Variants in PTPRD observed in about 807,000 individuals in gnomAD.
PTPRD encodes protein tyrosine phosphatase receptor type D.
PTPRD carries 34 observed loss-of-function variants against 214.5 expected under a neutral mutation model. The ratio of observed to expected loss-of-function variants is 0.16; its 90% CI spans 0.12 to 0.21. PTPRD has a LOEUF of 0.21. Ranked by LOEUF, PTPRD falls within the 10% of genes least tolerant of loss-of-function variation. The pLI is 1.00. For missense variants in PTPRD, 2,545 were observed against 2,398.7 expected, an observed-to-expected ratio of 1.06 and a Z score of -1.27; for synonymous variants, 1,128 against 845.7, an observed-to-expected ratio of 1.33 and a Z score of -5.79.
chr9:8,919,795 T>C (rs774818637), intron 11 of PTPRD, among the ~76,000 whole-genome samples: 18 of 143,252 alleles, frequency 1.3e-4, no homozygotes, highest in Non-Finnish European at 2.7e-4. Context: ...GCACAATACA[T>C]ACACATGCAA....
chr9:10,576,932 G>A (rs981910437), intron 2 of PTPRD, among the ~76,000 whole-genome samples: 16 of 151,360 alleles, frequency 1.1e-4, no homozygotes, highest in Admixed American at 3.3e-4. Context: ...ATGTGGCCAT[G>A]TCTCTAGTAC....
At chr9:8,922,308 T>C (rs1255130730) in intron 11 of PTPRD, among the ~76,000 whole-genome samples, 1 of 152,268 alleles carries the variant, frequency 6.6e-6, no homozygotes, top group East Asian at 1.9e-4. Context: ...AGAAGAGAGC[T>C]CACTAGGATA....
chr9:9,741,366 T>TC (rs938593190), intron 6 of PTPRD, among the ~76,000 whole-genome samples: 3 of 151,940 alleles, frequency 2.0e-5, no homozygotes, highest in African/African-American at 7.3e-5. Flanking sequence ...AGAATTTTTT[T>TC]TACAAGGAGT....
chr9:9,627,949 GT>G (rs562016671), intron 7 of PTPRD, among the ~76,000 whole-genome samples: 3 of 151,784 alleles, frequency 2.0e-5, no homozygotes, highest in Admixed American at 2.0e-4. Flanking sequence ...TACAACATAT[GT>G]TTTTTTTAAG....
At chr9:9,529,704 A>C (rs1338759713) in intron 8 of PTPRD, among the ~76,000 whole-genome samples, 1 of 152,128 alleles carries the variant, frequency 6.6e-6, no homozygotes, top group Non-Finnish European at 1.5e-5. Context: ...AATGCCAGTC[A>C]CTTTGAAAAC....
At chr9:10,288,909 T>A (rs2095444464) in intron 3 of PTPRD, among the ~76,000 whole-genome samples, 1 of 152,192 alleles carries the variant, frequency 6.6e-6, no homozygotes, top group Non-Finnish European at 1.5e-5. Flanking sequence ...TGCTATCATC[T>A]GTACTTAAAA....
intron 2 of PTPRD, among the ~76,000 whole-genome samples, chr9:10,407,522 C>T (rs1587487954): frequency 6.6e-6 from 1 of 151,508 alleles, no homozygotes. Context: ...CAGCTGCAAA[C>T]AGCTTTCGGC....
chr9:10,442,320 A>C (rs1007216910), intron 2 of PTPRD, among the ~76,000 whole-genome samples: 2 of 151,704 alleles, frequency 1.3e-5, no homozygotes, highest in Non-Finnish European at 3.0e-5. Context: ...GAAGTAGAAA[A>C]GATTTCTGAA....
chr9:9,572,559 ATG>A (rs201948309), intron 8 of PTPRD, among the ~76,000 whole-genome samples: 1 of 115,720 alleles, frequency 8.6e-6, no homozygotes, highest in African/African-American at 3.3e-5. Flanking sequence ...GCATATATAT[ATG>A]TATATATATA....
chr9:9,779,314 G>A (rs375337407), intron 5 of PTPRD, among the ~76,000 whole-genome samples: 1 of 151,978 alleles, frequency 6.6e-6, no homozygotes, highest in East Asian at 1.9e-4. Context: ...ATTTGGCTAA[G>A]TTCTGAAAGC....
chr9:8,969,101 A>C (rs1426923809), intron 11 of PTPRD, among the ~76,000 whole-genome samples: 1 of 152,030 alleles, frequency 6.6e-6, no homozygotes, highest in African/African-American at 2.4e-5. Flanking sequence ...TCCTCATCCC[A>C]TTCCTCCCTC....
At chr9:9,651,826 GT>G (rs869105633) in intron 7 of PTPRD, among the ~76,000 whole-genome samples, 854 of 55,058 alleles carry the variant, frequency 0.016, 9 homozygotes, top group African/African-American at 0.039. Flanking sequence ...TTCAAGGTTT[GT>G]TTTTTTTTTT....
chr9:8,679,226 C>G (rs1296733098), intron 12 of PTPRD, among the ~76,000 whole-genome samples: 1 of 152,204 alleles, frequency 6.6e-6, no homozygotes, highest in African/African-American at 2.4e-5. Context: ...CATCCCACAA[C>G]TTCAAAGCAG....
chr9:9,639,485 G>C (rs375905464), intron 7 of PTPRD, among the ~76,000 whole-genome samples: 159 of 152,188 alleles, frequency 1.0e-3, no homozygotes, highest in African/African-American at 3.8e-3. Flanking sequence ...TTTCCTATTA[G>C]CAGGCTATGT....
At chr9:9,497,563 G>A (rs145478069) in intron 8 of PTPRD, among the ~76,000 whole-genome samples, 289 of 152,118 alleles carry the variant, frequency 1.9e-3, no homozygotes, top group African/African-American at 5.5e-3. Context: ...GGGTGTTTAC[G>A]AACAAATATT....
intron 11 of PTPRD, among the ~76,000 whole-genome samples, chr9:8,999,715 G>A: frequency 6.6e-6 from 1 of 151,942 alleles, no homozygotes; most frequent in East Asian, 1.9e-4. Flanking sequence ...CTTTGTAACT[G>A]ATATTGCTAC....
chr9:10,226,341 A>C (rs989798713), intron 3 of PTPRD, among the ~76,000 whole-genome samples: 4 of 152,032 alleles, frequency 2.6e-5, no homozygotes, highest in Non-Finnish European at 5.9e-5. Flanking sequence ...TGTGACCATG[A>C]GAGTGGAGAA....
At chr9:9,205,063 C>T (rs951450201) in intron 9 of PTPRD, among the ~76,000 whole-genome samples, 3 of 152,026 alleles carry the variant, frequency 2.0e-5, no homozygotes, top group South Asian at 4.1e-4. Flanking sequence ...TTTAATAGCT[C>T]ATATTAAACA....
chr9:10,515,779 T>TA (rs2049886605), intron 2 of PTPRD, among the ~76,000 whole-genome samples: 1 of 151,978 alleles, frequency 6.6e-6, no homozygotes, highest in African/African-American at 2.4e-5. Flanking sequence ...ACCACCATGC[T>TA]ACTCACTGCT....
Sources: allele counts gnomAD v4.1 joint callset (sites outside exome capture counted in the v4.1 genomes callset), GRCh38; gene constraint gnomAD v4.1.1; transcripts MANE v1.5; gene names NCBI Gene and HGNC (gene_info 2026-07-23, HGNC 2026-07-21).